The following AGMO variants were observed in gnomAD, a reference collection of about 807,000 sequenced individuals.
AGMO encodes the protein glyceryl-ether monooxygenase.
A neutral mutation model predicts 60.2 loss-of-function variants in AGMO; 75 were observed. That is an observed-to-expected ratio of 1.25 (90% CI 1.03 to 1.51). AGMO has a LOEUF of 1.51. Among genes scored for constraint, AGMO ranks in the 40% most tolerant of loss-of-function variants. The pLI is 0.00. For missense variants in AGMO, 763 were observed against 525.5 expected (o/e 1.45, Z -4.42); for synonymous variants, 261 against 177.1 (o/e 1.47, Z -3.76).
chr7:15,498,686 C>T (rs796137090), intron 3 of AGMO, among the ~76,000 whole-genome samples: 2 of 151,898 alleles, frequency 1.3e-5, no homozygotes, highest in Admixed American at 1.3e-4. Flanking sequence ...CTTCCTATTC[C>T]TCTACTTAGA....
In AGMO at chr7:15,419,799, TCC is replaced by T. The variant is rs766751757; in HGVS notation, c.514-1148_514-1147del. On this transcript the variant is annotated intron_variant, in intron 4 of 12. Transcript: ENST00000342526. ...CCACTAGAGACTCTCTCTGTGATAC[TCC>T]CTAAGTTCTTAAGCTTCTCTAGGCT... is the stretch of plus-strand genomic sequence containing the variant. 2.6e-5 allele frequency among the ~76,000 whole-genome samples: 4 copies of T among 152,054 alleles called. 1 individual carries two copies. Among genetic ancestry groups the T allele is most frequent in the African/African-American group, 7.2e-5 (3 of 41,462 alleles).
intron 12 of AGMO, among the ~76,000 whole-genome samples, chr7:15,343,400 A>C (rs1340070061): frequency 6.6e-6 from 1 of 152,164 alleles, no homozygotes; most frequent in Non-Finnish European, 1.5e-5. Flanking sequence ...GATGCCTCTA[A>C]GTGATACGAA....
intron 12 of AGMO, among the ~76,000 whole-genome samples, chr7:15,287,464 C>G (rs1344116591): frequency 6.6e-6 from 1 of 152,124 alleles, no homozygotes; most frequent in African/African-American, 2.4e-5. Flanking sequence ...CTGAACTTCT[C>G]TATTTGGATC....
the AGMO span, among the ~76,000 whole-genome samples, chr7:15,154,726 TG>T: frequency 9.2e-5 from 14 of 152,178 alleles, no homozygotes; most frequent in African/African-American, 3.4e-4. Context: ...CCACTGGAGC[TG>T]GCAGGTATTC....
chr7:15,171,986 A>G, the AGMO span, among the ~76,000 whole-genome samples: 1 of 152,190 alleles, frequency 6.6e-6, no homozygotes, highest in Non-Finnish European at 1.5e-5. Context: ...AGGGCCTGGG[A>G]TAACCTCAGA....
chr7:15,518,172 C>T (rs1783874280), intron 3 of AGMO, among the ~76,000 whole-genome samples: 1 of 152,172 alleles, frequency 6.6e-6, no homozygotes, highest in South Asian at 2.1e-4. Context: ...TAGTAAGGCA[C>T]TTACTACATA....
chr7:15,303,636 G>C (rs1780520885), intron 12 of AGMO, among the ~76,000 whole-genome samples: 2 of 152,102 alleles, frequency 1.3e-5, no homozygotes, highest in African/African-American at 4.8e-5. Flanking sequence ...AAAAGTGAGA[G>C]AGTTGTGCTC....
At chr7:15,410,037 T>A (rs2128492121) in intron 5 of AGMO, among the ~76,000 whole-genome samples, 1 of 151,708 alleles carries the variant, frequency 6.6e-6, no homozygotes, top group African/African-American at 2.4e-5. Flanking sequence ...ACTCATTAAA[T>A]TTTCTTTGGA....
the AGMO span, among the ~76,000 whole-genome samples, chr7:15,161,553 T>C: frequency 1.3e-5 from 2 of 151,698 alleles, no homozygotes; most frequent in African/African-American, 4.8e-5. Context: ...TTAATACATA[T>C]ATACACATGT....
intron 12 of AGMO, among the ~76,000 whole-genome samples, chr7:15,272,604 C>A (rs548403490): frequency 6.6e-6 from 1 of 152,064 alleles, no homozygotes; most frequent in African/African-American, 2.4e-5. Context: ...GTGCATGTAT[C>A]TTTACAGCAG....
intron 4 of AGMO, among the ~76,000 whole-genome samples, chr7:15,425,298 T>C (rs529244425): frequency 1.3e-5 from 2 of 152,264 alleles, no homozygotes; most frequent in East Asian, 3.9e-4. Flanking sequence ...TAAATGAATA[T>C]ATTTTTAAAT....
chr7:15,492,999 A>G (rs1478114733), intron 3 of AGMO, among the ~76,000 whole-genome samples: 1 of 152,144 alleles, frequency 6.6e-6, no homozygotes, highest in Non-Finnish European at 1.5e-5. Context: ...TACTATAATC[A>G]AAGCTGCTAT....
chr7:15,240,157 T>C (rs988935894), intron 12 of AGMO, among the ~76,000 whole-genome samples: 1 of 152,178 alleles, frequency 6.6e-6, no homozygotes, highest in African/African-American at 2.4e-5. Context: ...ATTCAATACA[T>C]GCTAACTACC....
At chr7:15,189,901 T>C in the AGMO span, among the ~76,000 whole-genome samples, 2 of 151,404 alleles carry the variant, frequency 1.3e-5, no homozygotes, top group East Asian at 1.9e-4. Flanking sequence ...ACCATTTATA[T>C]TTCATAATAA....
chr7:15,265,913 A>T (rs1171887711), intron 12 of AGMO, among the ~76,000 whole-genome samples: 1 of 152,152 alleles, frequency 6.6e-6, no homozygotes, highest in African/African-American at 2.4e-5. Flanking sequence ...GATAAGCGAA[A>T]TATGGTATAC....
chr7:15,205,921 C>T (rs529784092), intron 12 of AGMO, among the ~76,000 whole-genome samples: 2 of 152,064 alleles, frequency 1.3e-5, no homozygotes, highest in Admixed American at 6.5e-5. Flanking sequence ...TTTAATAGAA[C>T]TAAAACAATC....
rs1040293058 is a variant in AGMO at position 15,531,659 on chromosome 7, T to C, written c.409+13113A>G. 2.3e-5 allele frequency among the ~76,000 whole-genome samples: 3 copies of C among 129,936 alleles called. No homozygotes were observed. In the South Asian group the frequency reaches 6.9e-4, roughly 30 times the overall value. 85.2% of individuals were successfully genotyped at this position (129,936 alleles called of 152,430 possible). A position where few individuals can be genotyped will look rare whatever the true frequency, so the allele number is the denominator to read the frequency against. The stretch of plus-strand genomic sequence containing the variant: ...TATATATATAGAAAATATAAATATA[T>C]ATATTTTTTTAGAGGGAGTCTCACT... On this transcript the variant is annotated intron_variant, in intron 3 of 12. Transcript: ENST00000342526.
chr7:15,138,456 TCAGA>T, the AGMO span, among the ~76,000 whole-genome samples: 1 of 152,206 alleles, frequency 6.6e-6, no homozygotes, highest in Non-Finnish European at 1.5e-5. Flanking sequence ...GTTTGTATTC[TCAGA>T]CAATGATCTG....
At chr7:15,169,926 C>T in the AGMO span, among the ~76,000 whole-genome samples, 4 of 152,154 alleles carry the variant, frequency 2.6e-5, no homozygotes, top group African/African-American at 9.7e-5. Flanking sequence ...ACCTGTAATT[C>T]CCTATTCCAT....
Sources: allele counts gnomAD v4.1 joint callset (sites outside exome capture counted in the v4.1 genomes callset), GRCh38; gene constraint gnomAD v4.1.1; transcripts MANE v1.5; gene names NCBI Gene and HGNC (gene_info 2026-07-23, HGNC 2026-07-21).